Variants in PRH1 observed in about 807,000 individuals in gnomAD.
The protein encoded by PRH1 is proline rich protein HaeIII subfamily 1.
Under a neutral mutation model 7.9 loss-of-function variants are expected in PRH1, and 7 were observed. The ratio of observed to expected loss-of-function variants is 0.89; its 90% CI spans 0.50 to 1.67. The LOEUF is 1.67. Ranked by LOEUF, PRH1 falls within the 40% of genes most tolerant of loss-of-function variation. The probability of loss-of-function intolerance (pLI) is 0.00; values close to 1 mark genes in which losing one functional copy is unlikely to be tolerated. For synonymous variants in PRH1, 45 were observed against 80.8 expected, an observed-to-expected ratio of 0.56 and a Z score of 2.38; for missense variants, 109 against 223.6, an observed-to-expected ratio of 0.49 and a Z score of 3.27.
chr12:11,033,015 T>C (rs1412774640), intron 1 of PRH1, among the ~76,000 whole-genome samples: 1 of 152,098 alleles, frequency 6.6e-6, no homozygotes, highest in African/African-American at 2.4e-5. Context: ...CTGATCCAGA[T>C]TAAATTGGCA....
chr12:11,067,724 G>A (rs1265777857), intron 1 of PRH1, among the ~76,000 whole-genome samples: 6 of 152,076 alleles, frequency 3.9e-5, no homozygotes, highest in South Asian at 2.1e-4. Context: ...TTAGCAGGGC[G>A]TGGTGGTGCA....
intron 1 of PRH1, among the ~76,000 whole-genome samples, chr12:11,042,095 A>C (rs1438605490): frequency 6.6e-6 from 1 of 152,144 alleles, no homozygotes; most frequent in Non-Finnish European, 1.5e-5. Flanking sequence ...ACCCAAACCC[A>C]AAATTAGTAG....
chr12:10,913,521 T>C (rs1949931296), intron 2 of PRH1, among the ~76,000 whole-genome samples: 1 of 152,220 alleles, frequency 6.6e-6, no homozygotes, highest in African/African-American at 2.4e-5. Context: ...TAGTGTTTTA[T>C]GGTGTGATTT....
intron 1 of PRH1, among the ~76,000 whole-genome samples, chr12:11,115,705 C>T (rs916102923): frequency 7.9e-5 from 12 of 151,918 alleles, no homozygotes; most frequent in African/African-American, 2.9e-4. Context: ...TCAACTCTGA[C>T]CACAATGGAA....
chr12:11,154,323 A>C (rs1342560362), intron 1 of PRH1, among the ~76,000 whole-genome samples: 1 of 152,246 alleles, frequency 6.6e-6, no homozygotes, highest in East Asian at 1.9e-4. Flanking sequence ...ATTGAAAATA[A>C]ACTGACAATA....
At chr12:11,125,647 GTAT>G (rs1407892500) in intron 1 of PRH1, among the ~76,000 whole-genome samples, 1 of 152,264 alleles carries the variant, frequency 6.6e-6, no homozygotes, top group Non-Finnish European at 1.5e-5. Context: ...AAAAATATGT[GTAT>G]TATTATTTCA....
chr12:10,963,262 T>C (rs1938342066), intron 2 of PRH1, among the ~76,000 whole-genome samples: 1 of 152,224 alleles, frequency 6.6e-6, no homozygotes, highest in Non-Finnish European at 1.5e-5. Context: ...TAGAACTTGC[T>C]ATCACTGAAT....
chr12:11,091,923 T>A (rs753311828), intron 1 of PRH1: 1 of 1,231,330 alleles, frequency 8.1e-7, no homozygotes, highest in Non-Finnish European at 1.2e-6. Flanking sequence ...TAAAATATGC[T>A]GAGGGTAGTA....
chr12:11,084,677 TTA>T (rs1944626910), intron 1 of PRH1, among the ~76,000 whole-genome samples: 1 of 149,580 alleles, frequency 6.7e-6, no homozygotes, highest in Non-Finnish European at 1.5e-5. Context: ...CCTTTTTCTA[TTA>T]TGTTTCAGAA....
At chr12:11,166,642 C>G (rs1947592845) in intron 1 of PRH1, among the ~76,000 whole-genome samples, 1 of 152,214 alleles carries the variant, frequency 6.6e-6, no homozygotes. Flanking sequence ...TGTAAATGGG[C>G]TTCTCCAGTT....
chr12:10,884,851 A>G (rs548883780), upstream of PRH1, among the ~76,000 whole-genome samples: 2 of 152,222 alleles, frequency 1.3e-5, no homozygotes, highest in South Asian at 2.1e-4. Flanking sequence ...TGCTCAGGCT[A>G]CAAGAATTGT....
intron 1 of PRH1, among the ~76,000 whole-genome samples, chr12:11,152,913 G>A (rs796594256): frequency 1.3e-5 from 2 of 152,192 alleles, no homozygotes; most frequent in African/African-American, 2.4e-5. Flanking sequence ...GAATGAGACT[G>A]TGGATCATGA....
chr12:11,027,960 T>C (rs896009227), intron 1 of PRH1, among the ~76,000 whole-genome samples: 4 of 152,216 alleles, frequency 2.6e-5, no homozygotes, highest in African/African-American at 7.2e-5. Flanking sequence ...GTGGACGTCA[T>C]ATGCTCATAA....
chr12:11,116,511 T>C (rs1034882709), downstream of PRH1, among the ~76,000 whole-genome samples: 2 of 152,070 alleles, frequency 1.3e-5, no homozygotes, highest in African/African-American at 4.8e-5. Context: ...GAATAACTGA[T>C]ACCAATCCTA....
At chr12:11,171,416 A>G in intron 1 of PRH1, 1 of 1,231,638 alleles carries the variant, frequency 8.1e-7, no homozygotes, top group East Asian at 3.2e-5. Flanking sequence ...CCGCCGCGAC[A>G]CCCACCTCGT....
intron 1 of PRH1, among the ~76,000 whole-genome samples, chr12:11,153,143 C>T (rs1023363225): frequency 5.3e-5 from 8 of 152,136 alleles, no homozygotes; most frequent in Admixed American, 5.2e-4. Context: ...TTGAGTGAGG[C>T]TGCCATAGAA....
intron 1 of PRH1, among the ~76,000 whole-genome samples, chr12:11,001,229 A>G (rs1397102515): frequency 2.6e-5 from 4 of 152,018 alleles, no homozygotes; most frequent in Non-Finnish European, 5.9e-5. Context: ...GGGAAATTCA[A>G]TGAGCTGTGC....
At chr12:11,116,632 A>T (rs1263622166), downstream of PRH1, among the ~76,000 whole-genome samples, 1 of 152,034 alleles carries the variant, frequency 6.6e-6, no homozygotes, top group African/African-American at 2.4e-5. Context: ...AAAGGAAAAC[A>T]ACAAGCACAT....
intron 2 of PRH1, among the ~76,000 whole-genome samples, chr12:10,919,385 G>A (rs10845244): frequency 0.49 from 74,000 of 152,040 alleles, 20,615 homozygotes; most frequent in East Asian, 0.72. Context: ...AAAGGTGAGA[G>A]GATAGACATG....
Sources: gnomAD v4.1 joint callset for allele counts (sites outside exome capture counted in the v4.1 genomes callset) on GRCh38, gnomAD v4.1.1 for gene constraint, MANE v1.5 for transcripts, NCBI Gene and HGNC (gene_info 2026-07-23, HGNC 2026-07-21) for gene names.